CEP89: variants seen among roughly 807,000 people sequenced by gnomAD.
The protein encoded by CEP89 is centrosomal protein 89.
Under a neutral mutation model 97.6 loss-of-function variants are expected in CEP89, and 95 were observed. That is an observed-to-expected ratio of 0.97 (90% CI 0.82 to 1.15). CEP89 has a LOEUF of 1.15. Among genes scored for constraint, CEP89 ranks in the 50% most tolerant of loss-of-function variants. The pLI is 0.00. For synonymous variants in CEP89, 354 were observed against 349.1 expected (o/e 1.01, Z -0.16); for missense variants, 869 against 947.7 (o/e 0.92, Z 1.09).
At chr19:32,898,256 C>T (rs903565811) in intron 16 of CEP89, among the ~76,000 whole-genome samples, 6 of 152,202 alleles carry the variant, frequency 3.9e-5, no homozygotes, top group Non-Finnish European at 7.4e-5. Context: ...GAGGCCATTA[C>T]GTTAAGTAAA....
chr19:32,913,299 ATATATATTT>A (rs1486080447), intron 14 of CEP89, among the ~76,000 whole-genome samples: 6 of 31,102 alleles, frequency 1.9e-4, no homozygotes, highest in African/African-American at 1.2e-3. Context: ...ATATATATAT[ATATATATTT>A]TTTTGTTGTT....
chr19:32,896,113 C>A (rs1263392611), intron 16 of CEP89, among the ~76,000 whole-genome samples: 3 of 152,102 alleles, frequency 2.0e-5, no homozygotes, highest in Non-Finnish European at 4.4e-5. Context: ...ATAGAATAAA[C>A]AATCCTACTT....
intron 9 of CEP89, among the ~76,000 whole-genome samples, chr19:32,927,919 C>CTT (rs1353769739): frequency 3.0e-5 from 2 of 65,618 alleles, no homozygotes; most frequent in Non-Finnish European, 6.0e-5. Flanking sequence ...TTTTTTTTTT[C>CTT]TTTTTTTTTT....
chr19:32,901,773 A>G (rs1969776977), intron 14 of CEP89, among the ~76,000 whole-genome samples: 1 of 152,162 alleles, frequency 6.6e-6, no homozygotes, highest in Non-Finnish European at 1.5e-5. Context: ...GACCACAGGC[A>G]CACATGATAC....
In CEP89 at chr19:32,948,252, T is replaced by G. The variant is rs12710001; in HGVS notation, c.595+14A>C. 190 of 1,445,230 alleles carry G rather than the reference T, an allele frequency of 1.3e-4. No individual in the cohort carries two copies. Among genetic ancestry groups the G allele is most frequent in the Non-Finnish European group, 1.5e-4 (159 of 1,067,930 alleles). The allele number at this position is 1,445,230 out of a possible 1,614,324, so 89.5% of individuals were successfully genotyped here. On this transcript the variant is annotated intron_variant, in intron 5 of 18. Coordinates refer to ENST00000305768, the MANE Select transcript of CEP89 (RefSeq NM_032816.5). ...TTCTTATATTTTATAAAAATTGTGG[T>G]TTTTTTTTTCTACCTTTTTGTTGTG... is the stretch of plus-strand genomic sequence containing the variant.
At chr19:32,913,350 G>T in intron 14 of CEP89, among the ~76,000 whole-genome samples, 1 of 149,456 alleles carries the variant, frequency 6.7e-6, no homozygotes. Flanking sequence ...GTTTCACAAT[G>T]TTGCCCAGGC....
chr19:32,882,976 A>G (rs1435614389), intron 17 of CEP89, among the ~76,000 whole-genome samples: 1 of 151,940 alleles, frequency 6.6e-6, no homozygotes, highest in East Asian at 1.9e-4. Context: ...CTCCTGCCTC[A>G]GCCTCCTCAG....
At position 32,905,177 on chromosome 19, in the gene CEP89, A is replaced by G. The variant is rs1049544239; in HGVS notation, c.1566-3765T>C. 3.3e-5 allele frequency among the ~76,000 whole-genome samples: 5 copies of G among 152,368 alleles called. No homozygotes were observed. The South Asian group carries it at 6.2e-4, about 19-fold the overall frequency. On this transcript the variant is annotated intron_variant, in intron 14 of 18. Transcript: ENST00000305768. ...CAACCTTGTATTGTTTCCAATCTCA[A>G]TAGGAAAGCTTTCAACATTTCCCTA... is the stretch of plus-strand genomic sequence containing the variant.
intron 3 of CEP89, 46 bp from the exon 4 acceptor site, chr19:32,953,847 C>T (rs1206142924): frequency 4.3e-6 from 5 of 1,164,794 alleles, no homozygotes; most frequent in Admixed American, 4.1e-5. Flanking sequence ...AGTCACTTAA[C>T]ACTTGACACT....
intron 13 of CEP89, among the ~76,000 whole-genome samples, chr19:32,916,786 G>A (rs1376973402): frequency 6.6e-6 from 1 of 152,090 alleles, no homozygotes; most frequent in Non-Finnish European, 1.5e-5. Flanking sequence ...CAAGGTGGGT[G>A]GATCACTTGA....
intron 14 of CEP89, among the ~76,000 whole-genome samples, chr19:32,909,936 A>G (rs1969963325): frequency 6.6e-6 from 1 of 152,136 alleles, no homozygotes; most frequent in African/African-American, 2.4e-5. Context: ...CCACACCTAC[A>G]CATATTCTAA....
At chr19:32,946,365 C>G (rs1439223217) in intron 5 of CEP89, among the ~76,000 whole-genome samples, 1 of 152,136 alleles carries the variant, frequency 6.6e-6, no homozygotes, top group Non-Finnish European at 1.5e-5. Context: ...CTGATATATG[C>G]TACATCAGGC....
At chr19:32,916,821 G>A (rs1294040220) in intron 13 of CEP89, among the ~76,000 whole-genome samples, 1 of 152,046 alleles carries the variant, frequency 6.6e-6, no homozygotes, top group East Asian at 1.9e-4. Context: ...GACCAGCCTG[G>A]CCAACATGGT....
intron 14 of CEP89, among the ~76,000 whole-genome samples, chr19:32,914,629 T>C (rs920666503): frequency 1.3e-5 from 2 of 151,562 alleles, no homozygotes; most frequent in African/African-American, 4.8e-5. Flanking sequence ...CAAAACAGTA[T>C]GAAAAAAAAA....
At chr19:32,935,704 C>T (rs62125036) in intron 7 of CEP89, among the ~76,000 whole-genome samples, 18,633 of 152,172 alleles carry the variant, frequency 0.12, 1,375 homozygotes, top group South Asian at 0.28. Context: ...AGAGTGGCCA[C>T]CGCACAGACT....
At chr19:32,887,714 T>C (rs141519811) in intron 17 of CEP89, 38 bp downstream of exon 17, 1 of 1,292,014 alleles carries the variant, frequency 7.7e-7, no homozygotes, top group East Asian at 2.3e-5. Context: ...TGCATTCCCA[T>C]CTGAAAATGA....
chr19:32,946,822 C>T (rs1970807811), intron 5 of CEP89, among the ~76,000 whole-genome samples: 1 of 152,138 alleles, frequency 6.6e-6, no homozygotes, highest in Non-Finnish European at 1.5e-5. Flanking sequence ...CCTCCCCAGC[C>T]ACGGGGAACT....
rs776127197 is a variant in CEP89, at chr19:32,923,481, T to C, written c.1226A>G (p.His409Arg). 2.5e-6 allele frequency: 4 copies of C among 1,611,004 alleles called. No individual in the cohort carries two copies. The East Asian group carries it at 8.9e-5, about 36-fold the overall frequency. Residue 409 changes from histidine to arginine, a missense_variant, in exon 12 of 19, where the codon CAC becomes CGC. Physicochemically the swap from His to Arg is conservative, Grantham distance 29 (BLOSUM62 0). Coordinates refer to ENST00000305768, the MANE Select transcript of CEP89 (RefSeq NM_032816.5). ...AGCACTACTCTTATTTAACTCTTGGTGCAATTCTTCATTTTCTTTCACCAC... is the reference window on the plus strand; with the variant it reads ...AGCACTACTCTTATTTAACTCTTGGCGCAATTCTTCATTTTCTTTCACCAC... ...QEVVKENEELHQELNKSSAVT... is the reference protein window; with the variant it reads ...QEVVKENEELRQELNKSSAVT...
chr19:32,932,519 C>A (rs189096639), intron 8 of CEP89, among the ~76,000 whole-genome samples: 1 of 152,122 alleles, frequency 6.6e-6, no homozygotes, highest in African/African-American at 2.4e-5. Flanking sequence ...AAAAGAAAAA[C>A]ATTTTATTGA....
Sources: gnomAD v4.1 joint callset for allele counts (sites outside exome capture counted in the v4.1 genomes callset) on GRCh38, gnomAD v4.1.1 for gene constraint, MANE v1.5 for transcripts, NCBI Gene and HGNC (gene_info 2026-07-23, HGNC 2026-07-21) for gene names.